Variants in XK observed in about 807,000 individuals in gnomAD.
XK encodes X-linked Kx blood group antigen, Kell and VPS13A binding protein.
XK carries 2 observed loss-of-function variants against 14.0 expected under a neutral mutation model. The ratio of observed to expected loss-of-function variants is 0.14; its 90% CI spans 0.06 to 0.45. The LOEUF is 0.45. XK is among the 20% of genes least tolerant of loss of function. The pLI, the probability that XK is intolerant of heterozygous loss-of-function variation, is 0.98. For missense variants in XK, 235 were observed against 341.5 expected (o/e 0.69, Z 2.46); for synonymous variants, 149 against 147.5 (o/e 1.01, Z -0.08).
chrX:37,701,796 G>A (rs782673631), intron 2 of XK, among the ~76,000 whole-genome samples: 113 of 110,524 alleles, frequency 1.0e-3, no homozygotes, highest in African/African-American at 3.5e-3. Context: ...TTGGGCACTT[G>A]GGCCACTGGC....
At chrX:37,713,438 A>G (rs1165405625) in intron 2 of XK, among the ~76,000 whole-genome samples, 2 of 111,699 alleles carry the variant, frequency 1.8e-5, no homozygotes, top group East Asian at 2.8e-4. Flanking sequence ...AGATTCAAGA[A>G]GAGAAGATAT....
At chrX:37,720,994 T>C (rs1927859769) in intron 2 of XK, among the ~76,000 whole-genome samples, 1 of 111,470 alleles carries the variant, frequency 9.0e-6, no homozygotes, top group African/African-American at 3.2e-5. Context: ...GGTATCATTT[T>C]AATATGGTTT....
intron 1 of XK, among the ~76,000 whole-genome samples, chrX:37,693,977 A>G (rs1460966533): frequency 3.6e-5 from 4 of 111,831 alleles, no homozygotes; most frequent in African/African-American, 6.5e-5. Flanking sequence ...AGGAAGGGAA[A>G]CTGCACATTT....
intron 2 of XK, among the ~76,000 whole-genome samples, chrX:37,716,271 G>A (rs1174234522): frequency 8.9e-6 from 1 of 112,037 alleles, no homozygotes; most frequent in African/African-American, 3.2e-5. Flanking sequence ...ACCATTTATT[G>A]TTTATTCTTT....
Position 37,694,537 on chromosome X carries a change from C to A in XK, c.497C>A (p.Thr166Asn). ...LYISVMQQDV[T>N]VGRSLLMTIS... Reference sequence around the variant, plus strand: ...ATAAGTGTCATGCAGCAGGACGTCACTGTTGGAAGAAGTACGTGTATTTTT... The same window carrying A: ...ATAAGTGTCATGCAGCAGGACGTCAATGTTGGAAGAAGTACGTGTATTTTT... Residue 166 changes from threonine to asparagine, a missense_variant, in exon 2 of 3, where the codon ACT becomes AAT. Thr to Asn is a moderately conservative substitution (Grantham distance 65). Transcript: ENST00000378616. The A allele has an allele frequency of 8.4e-7, 1 of 1,190,645 alleles. No individual in the cohort carries two copies. Among genetic ancestry groups the A allele is most frequent in the Middle Eastern group, 2.3e-4 (1 of 4,295 alleles).
At chrX:37,701,701 G>A (rs1476720867) in intron 2 of XK, among the ~76,000 whole-genome samples, 3 of 112,246 alleles carry the variant, frequency 2.7e-5, no homozygotes, top group African/African-American at 6.5e-5. Flanking sequence ...CCCTTAATAA[G>A]CAGCTGCATC....
intron 2 of XK, among the ~76,000 whole-genome samples, chrX:37,712,551 C>T (rs782198566): frequency 3.2e-4 from 36 of 112,215 alleles, no homozygotes; most frequent in Non-Finnish European, 5.6e-4. Flanking sequence ...ACTGGAATAT[C>T]AATTAGTTGT....
At chrX:37,723,140 A>G (rs1291705857) in intron 2 of XK, among the ~76,000 whole-genome samples, 4 of 111,374 alleles carry the variant, frequency 3.6e-5, no homozygotes, top group Non-Finnish European at 7.6e-5. Flanking sequence ...CCCCTAGGAA[A>G]TGAGATTAGG....
rs1287014804 is a variant in XK at position 37,694,656 on chromosome X, G to T, written c.508+108G>T. The T allele has an allele frequency of 8.7e-6, 9 of 1,038,809 alleles. No homozygotes were observed. In the African/African-American group the frequency reaches 1.7e-4, roughly 19 times the overall value. The allele number at this position is 1,038,809 out of a possible 1,213,427, so 85.6% of individuals were successfully genotyped here. A position where few individuals can be genotyped will look rare whatever the true frequency, so the allele number is the denominator to read the frequency against. ...TTTGTTCTTAAGTGCACTTAATTCT[G>T]AATCTGTGTTCTAGTTACTATGCTC... On this transcript the variant is annotated intron_variant, in intron 2 of 2. Transcript: ENST00000378616.
intron 1 of XK, among the ~76,000 whole-genome samples, chrX:37,688,047 CTTTCTTTCTTTCTTTTTTTT>C: frequency 1.4e-5 from 1 of 72,400 alleles, no homozygotes; most frequent in African/African-American, 6.6e-5. Flanking sequence ...TTCTTTCTTT[CTTTCTTTCTTTCTTTTTTTT>C]TTTTTTTTTT....
At chrX:37,717,679 C>G (rs1927790123) in intron 2 of XK, among the ~76,000 whole-genome samples, 1 of 111,362 alleles carries the variant, frequency 9.0e-6, no homozygotes, top group Non-Finnish European at 1.9e-5. Context: ...TATTTGTTCT[C>G]ACAATTCTGA....
At chrX:37,713,456 A>T (rs1192353409) in intron 2 of XK, among the ~76,000 whole-genome samples, 1 of 111,779 alleles carries the variant, frequency 8.9e-6, no homozygotes, top group African/African-American at 3.3e-5. Context: ...TATAGACCCT[A>T]CTTGTTGATA....
chrX:37,731,437 A>G lies in XK; in HGVS notation c.*2975A>G, dbSNP rs1424416898. The G allele has an allele frequency of 2.7e-5, 3 of 112,244 alleles. No individual in the cohort carries two copies. Among genetic ancestry groups the G allele is most frequent in the African/African-American group, 9.7e-5 (3 of 30,893 alleles). 9.3% of individuals were successfully genotyped at this position (112,244 alleles called of 1,213,427 possible). On this transcript the variant is annotated 3_prime_UTR_variant, in exon 3 of 3. Transcript: ENST00000378616. ...CTACAACTTAATTGCTCTATGCCTC[A>G]GTTTCCCCATAATACCCTTTTCCAA...
chrX:37,692,766 A>C (rs1927226456), intron 1 of XK, among the ~76,000 whole-genome samples: 1 of 111,507 alleles, frequency 9.0e-6, no homozygotes, highest in Admixed American at 9.5e-5. Flanking sequence ...GCTAGGCCTC[A>C]TACAGTCCTC....
chrX:37,726,129 T>C (rs1180583140), intron 2 of XK, among the ~76,000 whole-genome samples: 1 of 110,929 alleles, frequency 9.0e-6, no homozygotes, highest in African/African-American at 3.3e-5. Flanking sequence ...TGGATGATAA[T>C]GATCTGTCAG....
At chrX:37,706,164 A>AT (rs1927522385) in intron 2 of XK, among the ~76,000 whole-genome samples, 1 of 111,506 alleles carries the variant, frequency 9.0e-6, no homozygotes, top group South Asian at 3.7e-4. Context: ...TTCATTTAAA[A>AT]TTTTGAATTT....
intron 2 of XK, among the ~76,000 whole-genome samples, chrX:37,697,818 C>T (rs150714691): frequency 1.5e-3 from 174 of 112,281 alleles, no homozygotes; most frequent in African/African-American, 5.3e-3. Flanking sequence ...AACAGTCACT[C>T]TTCATTTCCC....
Position 37,685,906 on chromosome X carries a change from G to C in XK, c.-56G>C, listed in dbSNP as rs1419702917. ...TCGGGCAACGGCCGCCGCCGCCACA[G>C]CCACACAGCCGCCGCCACTGCGTCC... On this transcript the variant is annotated 5_prime_UTR_variant, in exon 1 of 3. Transcript: ENST00000378616. 1.8e-5 allele frequency: 21 copies of C among 1,162,575 alleles called. No homozygotes were observed. Among genetic ancestry groups the C allele is most frequent in the Non-Finnish European group, 2.3e-5 (20 of 870,033 alleles).
chrX:37,715,968 T>C (rs782771941), intron 2 of XK, among the ~76,000 whole-genome samples: 107 of 111,368 alleles, frequency 9.6e-4, no homozygotes, highest in African/African-American at 3.3e-3. Context: ...GATTTTTTCC[T>C]GGAGTTTGTG....
Sources: gnomAD v4.1 joint callset for allele counts (sites outside exome capture counted in the v4.1 genomes callset) on GRCh38, gnomAD v4.1.1 for gene constraint, MANE v1.5 for transcripts, NCBI Gene and HGNC (gene_info 2026-07-23, HGNC 2026-07-21) for gene names.